C5: variants seen among roughly 807,000 people sequenced by gnomAD.
The protein encoded by C5 is C3 and PZP-like alpha-2-macroglobulin domain-containing protein 4.
C5 carries 140 observed loss-of-function variants against 218.8 expected under a neutral mutation model. The observed-to-expected ratio is 0.64, with a 90% CI of 0.56 to 0.74. The LOEUF (loss-of-function observed/expected upper bound fraction) is 0.74, where lower values mean the gene tolerates loss of function less well. C5 is among the 30% of genes least tolerant of loss of function. The pLI is 0.00. For missense variants in C5, 1,700 were observed against 1,969.6 expected (o/e 0.86, Z 2.59); for synonymous variants, 614 against 682.3 (o/e 0.90, Z 1.56).
chr9:121,041,095 C>A (rs2047575090), intron 3 of C5, among the ~76,000 whole-genome samples: 1 of 151,202 alleles, frequency 6.6e-6, no homozygotes, highest in South Asian at 2.1e-4. Flanking sequence ...AGGCGTGCAC[C>A]ACCACATCCA....
chr9:120,984,445 G>GTC (rs1311572270), intron 25 of C5, among the ~76,000 whole-genome samples: 1 of 152,114 alleles, frequency 6.6e-6, no homozygotes. Context: ...TTTACATTGG[G>GTC]TCTCTCTTGG....
the C5 span, among the ~76,000 whole-genome samples, chr9:121,064,332 G>A: frequency 2.0e-5 from 3 of 152,034 alleles, no homozygotes; most frequent in Non-Finnish European, 4.4e-5. Flanking sequence ...AACAATACTT[G>A]TTATAGCTCC....
chr9:120,974,152 T>C (rs968949957), intron 30 of C5, among the ~76,000 whole-genome samples: 1 of 152,208 alleles, frequency 6.6e-6, no homozygotes, highest in Non-Finnish European at 1.5e-5. Context: ...AATATTAATA[T>C]AGAACCCAGT....
intron 32 of C5, among the ~76,000 whole-genome samples, chr9:120,969,551 A>G (rs1456979243): frequency 1.3e-5 from 2 of 151,978 alleles, no homozygotes; most frequent in Non-Finnish European, 2.9e-5. Flanking sequence ...GGAGACCAGG[A>G]GGACTGGAGT....
chr9:120,995,719 T>C (rs2047110983), intron 22 of C5, among the ~76,000 whole-genome samples: 1 of 152,116 alleles, frequency 6.6e-6, no homozygotes, highest in Admixed American at 6.5e-5. Flanking sequence ...AGGCCTTGCA[T>C]TCAAAATTAA....
intron 36 of C5, among the ~76,000 whole-genome samples, chr9:120,961,814 G>C (rs917817577): frequency 6.6e-6 from 1 of 152,126 alleles, no homozygotes; most frequent in African/African-American, 2.4e-5. Context: ...TAAAACATTT[G>C]ATGCTTCTCT....
chr9:121,039,058 G>C (rs560583282), intron 3 of C5, among the ~76,000 whole-genome samples: 3 of 152,296 alleles, frequency 2.0e-5, no homozygotes, highest in Admixed American at 6.5e-5. Flanking sequence ...CCACTTTTTA[G>C]TATGACCCTG....
chr9:120,974,245 C>T (rs1462296442), intron 30 of C5, among the ~76,000 whole-genome samples: 2 of 152,176 alleles, frequency 1.3e-5, no homozygotes, highest in African/African-American at 4.8e-5. Context: ...TAGCAAAGGA[C>T]ATGGGGCAAG....
chr9:120,970,067 T>A, intron 32 of C5, 103 bp downstream of exon 32: 1 of 791,236 alleles, frequency 1.3e-6, no homozygotes. Context: ...TTAAGAAATT[T>A]CACTTTTTGA....
the C5 span, among the ~76,000 whole-genome samples, chr9:121,069,696 T>C: frequency 6.6e-6 from 1 of 152,014 alleles, no homozygotes; most frequent in East Asian, 1.9e-4. Context: ...TGATTTTTAG[T>C]AGAGATGAGG....
Position 120,953,825 on chromosome 9 carries a change from T to G in C5, c.4806A>C (p.Lys1602Asn). 16 of 1,613,586 alleles carry G rather than the reference T, an allele frequency of 9.9e-6. No homozygotes were observed. Among genetic ancestry groups the G allele is most frequent in the Non-Finnish European group, 1.4e-5 (16 of 1,179,488 alleles). ...GCTCAGCGTTAGTACAGGTTACCTT[T>G]TTAATGAAGGTAATCTCAGAGTCTT... ...AEKDSEITFI[K>N]KVTCTNAELV... The change falls in exon 40 of 41, where the codon AAA becomes AAC. Residue 1602 changes from lysine (K) to asparagine (N), a missense_variant. Transcript: ENST00000223642.
intron 1 of C5, among the ~76,000 whole-genome samples, chr9:121,048,499 C>T (rs2047646953): frequency 6.6e-6 from 1 of 152,196 alleles, no homozygotes. Flanking sequence ...CAGTTTCATT[C>T]TGAAACCATC....
chr9:120,967,709 A>G (rs1262086725), intron 33 of C5, among the ~76,000 whole-genome samples: 1 of 151,746 alleles, frequency 6.6e-6, no homozygotes, highest in Non-Finnish European at 1.5e-5. Context: ...ATACCTACAT[A>G]TTCTTTTCTT....
chr9:120,957,947 T>G (rs371653361), intron 38 of C5, among the ~76,000 whole-genome samples: 5 of 152,390 alleles, frequency 3.3e-5, no homozygotes, highest in South Asian at 4.1e-4. Flanking sequence ...CAATGTTTGA[T>G]GCATAATGTG....
At chr9:121,022,719 T>A (rs1038925099) in intron 10 of C5, among the ~76,000 whole-genome samples, 3 of 150,340 alleles carry the variant, frequency 2.0e-5, no homozygotes, top group Non-Finnish European at 4.4e-5. Flanking sequence ...TAAAATATAT[T>A]ATTTGTAATA....
At chr9:121,044,952 T>C (rs957277615) in intron 2 of C5, among the ~76,000 whole-genome samples, 8 of 149,284 alleles carry the variant, frequency 5.4e-5, no homozygotes, top group South Asian at 4.3e-4. Context: ...CACTTTCTTT[T>C]TTTTTTTTTT....
At chr9:121,003,984 T>G (rs1247038799) in intron 20 of C5, among the ~76,000 whole-genome samples, 4 of 152,140 alleles carry the variant, frequency 2.6e-5, no homozygotes, top group African/African-American at 9.7e-5. Flanking sequence ...TTCTCCGGCC[T>G]CTGTCTCCCG....
rs1189132388 is a variant in C5 at position 121,001,312 on chromosome 9, C to T, written c.2563-3538G>A. On this transcript the variant is annotated intron_variant, in intron 20 of 40. Coordinates refer to ENST00000223642, the MANE Select transcript of C5 (RefSeq NM_001735.3). ...TAACTTACCCCAGAAAAAAGGAACT[C>T]AATGGAAAGCAAAAGAAAGGATATT... is the stretch of plus-strand genomic sequence containing the variant. Among the ~76,000 whole-genome samples the T allele has an allele frequency of 2.6e-5, 4 of 151,918 alleles. No individual in the cohort carries two copies. The East Asian group carries it at 7.7e-4, about 29-fold the overall frequency.
At chr9:121,030,295 T>A (rs2047462699) in intron 7 of C5, 102 bp downstream of exon 7, 1 of 647,134 alleles carries the variant, frequency 1.5e-6, no homozygotes, top group Non-Finnish European at 2.7e-6. Flanking sequence ...TGGCACACTT[T>A]GATAATAAAT....
Sources: allele counts gnomAD v4.1 joint callset (sites outside exome capture counted in the v4.1 genomes callset), GRCh38; gene constraint gnomAD v4.1.1; transcripts MANE v1.5; gene names NCBI Gene and HGNC (gene_info 2026-07-23, HGNC 2026-07-21).